The following ZNF705G variants were observed in gnomAD, a reference collection of about 807,000 sequenced individuals.
ZNF705G encodes the protein putative zinc finger protein 705G.
In ZNF705G, 23 loss-of-function variants were observed where a neutral mutation model predicts 19.6. That is an observed-to-expected ratio of 1.17 (90% confidence interval 0.84 to 1.66). The LOEUF is 1.66. ZNF705G is among the 40% of genes most tolerant of loss of function. The pLI, the probability that ZNF705G is intolerant of heterozygous loss-of-function variation, is 0.00. For missense variants in ZNF705G, 457 were observed against 354.4 expected (o/e 1.29, Z -2.32); for synonymous variants, 146 against 117.7 (o/e 1.24, Z -1.56).
At chr8:7,363,894 A>G (rs1288260205) in intron 2 of ZNF705G, among the ~76,000 whole-genome samples, 1 of 149,528 alleles carries the variant, frequency 6.7e-6, no homozygotes, top group African/African-American at 2.6e-5. Context: ...CAACACTCCC[A>G]TCCTGCTAAT....
Position 7,375,375 on chromosome 8 carries a change from T to A in ZNF705G, c.-72+6077A>T, listed in dbSNP as rs1416385227. ...GACACAATTTTGTTCTTTTTATGGA[T>A]GCATAGTATTCCGTGACATATATGT... On this transcript the variant is annotated intron_variant, in intron 2 of 6. Coordinates refer to ENST00000400156, the MANE Select transcript of ZNF705G (RefSeq NM_001164457.3). Among the ~76,000 whole-genome samples the A allele has an allele frequency of 2.5e-4, 23 of 93,736 alleles. 9 individuals are homozygous for A. The highest frequency in any genetic ancestry group is 1.1e-3 in the African/African-American group (23 of 20,170). 61.5% of individuals were successfully genotyped at this position (93,736 alleles called of 152,430 possible).
intron 4 of ZNF705G, 138 bp from the exon 5 acceptor site, chr8:7,360,470 C>G: frequency 7.3e-7 from 1 of 1,370,466 alleles, no homozygotes; most frequent in Non-Finnish European, 9.9e-7. Context: ...ACACAGAAAA[C>G]TCCCCAGGAT....
intron 2 of ZNF705G, among the ~76,000 whole-genome samples, chr8:7,375,687 T>C (rs1396242837): frequency 2.1e-5 from 2 of 94,382 alleles, no homozygotes; most frequent in Non-Finnish European, 4.2e-5. Context: ...AACAAATTTC[T>C]GCACAAACAT....
At chr8:7,385,353 A>T (rs1377320968) in intron 1 of ZNF705G, 145 bp downstream of exon 1, 2 of 149,004 alleles carry the variant, frequency 1.3e-5, no homozygotes, top group Admixed American at 6.6e-5. Context: ...TGATAATAAT[A>T]ATAATAATAA....
In ZNF705G at chr8:7,358,373, C is replaced by G; in HGVS notation, c.506G>C (p.Gly169Ala). The change falls in exon 7 of 7, where the codon GGT becomes GCT. Residue 169 changes from glycine to alanine, a missense_variant. Coordinates refer to ENST00000400156, the MANE Select transcript of ZNF705G (RefSeq NM_001164457.3). Reference sequence around the variant, plus strand: ...ACATAGATTACACTGATATGATTTACCTTTAGTATGAATTTGTTTATGTGG... The same window carrying G: ...ACATAGATTACACTGATATGATTTAGCTTTAGTATGAATTTGTTTATGTGG... ...TEPHKQIHTKGKSYQCNLCEK... is the reference protein window; with the variant it reads ...TEPHKQIHTKAKSYQCNLCEK... The G allele has an allele frequency of 6.2e-7, 1 of 1,607,546 alleles. No homozygotes were observed.
chr8:7,369,461 G>C (rs1386213159), intron 2 of ZNF705G, among the ~76,000 whole-genome samples: 4 of 149,486 alleles, frequency 2.7e-5, no homozygotes, highest in Non-Finnish European at 5.9e-5. Context: ...CCCGAGAATG[G>C]TAGATCCACT....
At chr8:7,368,093 T>A (rs1445639655) in intron 2 of ZNF705G, among the ~76,000 whole-genome samples, 3 of 149,206 alleles carry the variant, frequency 2.0e-5, no homozygotes, top group Non-Finnish European at 4.4e-5. Context: ...TCCCCTTATA[T>A]ATGAAAAAAA....
intron 6 of ZNF705G, among the ~76,000 whole-genome samples, 153 bp from the exon 7 acceptor site, chr8:7,358,713 G>A (rs1330458210): frequency 4.0e-5 from 6 of 149,316 alleles, no homozygotes; most frequent in African/African-American, 1.5e-4. Context: ...TAAATTTTGG[G>A]ACCCCAAACT....
intron 6 of ZNF705G, 49 bp downstream of exon 6, chr8:7,359,570 T>C: frequency 1.9e-6 from 3 of 1,602,306 alleles, no homozygotes; most frequent in Non-Finnish European, 2.5e-6. Context: ...CTTAATCCAT[T>C]AACATGTCTT....
chr8:7,361,747 C>T lies in ZNF705G; in HGVS notation c.13-511G>A, dbSNP rs189912193. On this transcript the variant is annotated intron_variant, in intron 3 of 6. Transcript: ENST00000400156. ...AATAATCTAATGAACTAATAGAAAA[C>T]GTGTTTCCTATCTAGCAAATATTTA... Among the ~76,000 whole-genome samples the T allele has an allele frequency of 4.7e-4, 70 of 149,276 alleles. 1 individual carries two copies. Among genetic ancestry groups the T allele is most frequent in the East Asian group, 1.7e-3 (9 of 5,182 alleles).
intron 2 of ZNF705G, among the ~76,000 whole-genome samples, chr8:7,363,470 T>G (rs1806699256): frequency 6.7e-6 from 1 of 149,122 alleles, no homozygotes; most frequent in African/African-American, 2.6e-5. Context: ...CCACTTTTAT[T>G]TTCACTCAAC....
Position 7,357,921 on chromosome 8 carries a change from C to T in ZNF705G, c.*55G>A. 1.2e-5 allele frequency: 19 copies of T among 1,603,570 alleles called. No homozygotes were observed. The South Asian group carries it at 1.9e-4, about 16-fold the overall frequency. The stretch of plus-strand genomic sequence containing the variant: ...TTAAGATTAGTACATTGTCTGAAGG[C>T]TTTCCCACATAAATGGCATTCATAT... On this transcript the variant is annotated 3_prime_UTR_variant, in exon 7 of 7. Transcript: ENST00000400156.
chr8:7,368,992 G>C (rs1806979801), intron 2 of ZNF705G, among the ~76,000 whole-genome samples: 1 of 149,672 alleles, frequency 6.7e-6, no homozygotes, highest in Non-Finnish European at 1.5e-5. Context: ...TGGACTTACA[G>C]TTCCACATGG....
chr8:7,369,191 A>G (rs1167736899), intron 2 of ZNF705G, among the ~76,000 whole-genome samples: 2 of 149,458 alleles, frequency 1.3e-5, no homozygotes, highest in African/African-American at 2.6e-5. Flanking sequence ...ACCCCACAAC[A>G]TGTGGGAATT....
intron 2 of ZNF705G, among the ~76,000 whole-genome samples, chr8:7,369,401 C>T (rs1402925563): frequency 6.0e-5 from 9 of 149,436 alleles, no homozygotes; most frequent in Non-Finnish European, 1.3e-4. Flanking sequence ...AGAGTCCACA[C>T]TGGGGCACTG....
rs1807208399 is a variant in ZNF705G, at chr8:7,375,145, G to A, written c.-72+6307C>T. 2.1e-5 allele frequency among the ~76,000 whole-genome samples: 2 copies of A among 93,684 alleles called. 1 individual carries two copies. Among genetic ancestry groups the A allele is most frequent in the South Asian group, 7.3e-4 (2 of 2,750 alleles). 61.5% of individuals were successfully genotyped at this position (93,684 alleles called of 152,430 possible). On this transcript the variant is annotated intron_variant, in intron 2 of 6. Coordinates refer to ENST00000400156, the MANE Select transcript of ZNF705G (RefSeq NM_001164457.3). ...AATAACTCTGTCACGCAGGTAGGGT[G>A]TGCCCAAAGAGTAGCTTTTCAGACT...
At chr8:7,381,006 A>C (rs1807469452) in intron 2 of ZNF705G, among the ~76,000 whole-genome samples, 2 of 61,040 alleles carry the variant, frequency 3.3e-5, no homozygotes, top group East Asian at 5.1e-4. Context: ...ACAGAGCTAG[A>C]CTCTGTCTCA....
intron 4 of ZNF705G, among the ~76,000 whole-genome samples, 169 bp from the exon 5 acceptor site, chr8:7,360,501 C>T (rs1214337411): frequency 1.3e-5 from 2 of 149,180 alleles, no homozygotes; most frequent in Non-Finnish European, 2.9e-5. Context: ...CAATATGAGA[C>T]TACAAAATAA....
intron 6 of ZNF705G, 85 bp from the exon 7 acceptor site, chr8:7,358,645 C>G (rs1202887493): frequency 2.0e-5 from 31 of 1,575,200 alleles, no homozygotes; most frequent in Middle Eastern, 2.3e-4. Flanking sequence ...CCTAGACCAA[C>G]CATTCAGTGG....
Sources: allele counts gnomAD v4.1 joint callset (sites outside exome capture counted in the v4.1 genomes callset), GRCh38; gene constraint gnomAD v4.1.1; transcripts MANE v1.5; gene names NCBI Gene and HGNC (gene_info 2026-07-23, HGNC 2026-07-21).